SV2C: variants seen among roughly 807,000 people sequenced by gnomAD.
SV2C encodes the protein solute carrier family 22 member B3.
SV2C carries 49 observed loss-of-function variants against 79.7 expected under a neutral mutation model. That is an observed-to-expected ratio of 0.61 (90% CI 0.49 to 0.78). SV2C has a LOEUF of 0.78. Ranked by LOEUF, SV2C falls within the 30% of genes least tolerant of loss-of-function variation. The pLI, the probability that SV2C is intolerant of heterozygous loss-of-function variation, is 0.00. For missense variants in SV2C, 833 were observed against 912.9 expected (o/e 0.91, Z 1.13); for synonymous variants, 334 against 333.2 (o/e 1.00, Z -0.03).
At chr5:75,976,070 C>T in the SV2C span, among the ~76,000 whole-genome samples, 695 of 152,088 alleles carry the variant, frequency 4.6e-3, 8 homozygotes, top group African/African-American at 0.015. Context: ...TTTGAATGGC[C>T]GGTATAGTTA....
At chr5:76,262,388 C>A (rs1746499671) in intron 4 of SV2C, among the ~76,000 whole-genome samples, 3 of 152,078 alleles carry the variant, frequency 2.0e-5, no homozygotes, top group Non-Finnish European at 2.9e-5. Flanking sequence ...AGAAAACCAG[C>A]TCCTGGATTC....
the SV2C span, among the ~76,000 whole-genome samples, chr5:75,872,922 A>T: frequency 4.0e-5 from 6 of 151,820 alleles, no homozygotes; most frequent in Non-Finnish European, 7.4e-5. Context: ...TAATAAAATT[A>T]AAAAAAGAAA....
At chr5:76,335,981 C>T (rs963479363), downstream of SV2C, among the ~76,000 whole-genome samples, 1 of 152,158 alleles carries the variant, frequency 6.6e-6, no homozygotes, top group African/African-American at 2.4e-5. Flanking sequence ...GGGCTCCTCA[C>T]TTCCCAGTAG....
At chr5:76,234,522 C>T (rs1745550889) in intron 4 of SV2C, among the ~76,000 whole-genome samples, 1 of 152,082 alleles carries the variant, frequency 6.6e-6, no homozygotes, top group Admixed American at 6.6e-5. Flanking sequence ...ACTGTGATTC[C>T]AGAATTGGAG....
the SV2C span, among the ~76,000 whole-genome samples, chr5:76,007,189 C>T: frequency 6.6e-6 from 1 of 151,890 alleles, no homozygotes; most frequent in Non-Finnish European, 1.5e-5. Flanking sequence ...TAAAACATCT[C>T]ATGGTTCTTC....
chr5:75,893,522 G>C, the SV2C span, among the ~76,000 whole-genome samples: 189 of 151,872 alleles, frequency 1.2e-3, 2 homozygotes, highest in African/African-American at 4.1e-3. Flanking sequence ...GCATGTTGTC[G>C]TAAGTGAGAG....
the SV2C span, among the ~76,000 whole-genome samples, chr5:76,025,454 A>T: frequency 6.6e-6 from 1 of 152,202 alleles, no homozygotes; most frequent in African/African-American, 2.4e-5. Context: ...TAAGGCTTTT[A>T]AAAAGCTCTA....
the SV2C span, among the ~76,000 whole-genome samples, chr5:76,004,306 C>A: frequency 0.069 from 10,425 of 152,170 alleles, 384 homozygotes; most frequent in Admixed American, 0.1. Context: ...TTATCTTGGC[C>A]ACTTTCTGGC....
chr5:76,121,707 TGC>T, intron 1 of SV2C, among the ~76,000 whole-genome samples: 1 of 152,178 alleles, frequency 6.6e-6, no homozygotes, highest in East Asian at 1.9e-4. Context: ...CTGAGGGCTC[TGC>T]TCTGTTCCAT....
chr5:76,304,539 C>T (rs1239428140), intron 12 of SV2C, among the ~76,000 whole-genome samples: 4 of 152,222 alleles, frequency 2.6e-5, no homozygotes, highest in Non-Finnish European at 4.4e-5. Flanking sequence ...TCTTGTGTTG[C>T]TCTAACAAAG....
At chr5:76,278,945 A>C (rs1452190777) in intron 4 of SV2C, among the ~76,000 whole-genome samples, 1 of 152,222 alleles carries the variant, frequency 6.6e-6, no homozygotes, top group African/African-American at 2.4e-5. Flanking sequence ...GGTCAGGGGA[A>C]GGTCCACGTC....
the SV2C span, among the ~76,000 whole-genome samples, chr5:75,913,242 A>T: frequency 6.6e-6 from 1 of 152,182 alleles, no homozygotes; most frequent in Non-Finnish European, 1.5e-5. Context: ...GCCAGTATGG[A>T]GGTCCCCAGG....
chr5:76,140,390 T>TA (rs930661908), intron 2 of SV2C, among the ~76,000 whole-genome samples: 1 of 152,198 alleles, frequency 6.6e-6, no homozygotes, highest in Non-Finnish European at 1.5e-5. Context: ...GCTGGATAGA[T>TA]ATGACCTGAA....
At chr5:76,054,391 C>T in the SV2C span, among the ~76,000 whole-genome samples, 1 of 152,184 alleles carries the variant, frequency 6.6e-6, no homozygotes, top group Admixed American at 6.5e-5. Flanking sequence ...TCCATTCTAT[C>T]ATTGATGGGC....
chr5:76,143,521 C>A (rs1024135785), intron 2 of SV2C, among the ~76,000 whole-genome samples: 1 of 152,300 alleles, frequency 6.6e-6, no homozygotes, highest in East Asian at 1.9e-4. Flanking sequence ...GTGAGCAGTG[C>A]TTCCCAGGCA....
At chr5:75,946,527 T>G in the SV2C span, among the ~76,000 whole-genome samples, 4,162 of 151,926 alleles carry the variant, frequency 0.027, 169 homozygotes, top group African/African-American at 0.092. Context: ...TTTGTTCTCC[T>G]TTTTTGAAAT....
intron 5 of SV2C, 130 bp from the exon 6 acceptor site, chr5:76,285,651 A>G (rs756472260): frequency 7.1e-5 from 51 of 713,754 alleles, no homozygotes; most frequent in Non-Finnish European, 1.2e-4. Context: ...TGTATGTTCC[A>G]ATGGGATGTA....
chr5:76,219,481 T>A (rs1383503119), intron 4 of SV2C, among the ~76,000 whole-genome samples: 1 of 152,230 alleles, frequency 6.6e-6, no homozygotes, highest in East Asian at 1.9e-4. Flanking sequence ...TGTGTTTAAG[T>A]GCATGGCCAT....
At chr5:76,079,608 C>A, upstream of SV2C, 1 of 341,472 alleles carries the variant, frequency 2.9e-6, no homozygotes, top group Non-Finnish European at 5.8e-6. Flanking sequence ...AAATATTTTA[C>A]ACAGGCAAAC....
Sources: allele counts gnomAD v4.1 joint callset (sites outside exome capture counted in the v4.1 genomes callset), GRCh38; gene constraint gnomAD v4.1.1; transcripts MANE v1.5; gene names NCBI Gene and HGNC (gene_info 2026-07-23, HGNC 2026-07-21).